The following ZNF438 variants were observed in gnomAD, a reference collection of about 807,000 sequenced individuals.
The protein encoded by ZNF438 is zinc finger protein 438.
ZNF438 carries 25 observed loss-of-function variants against 38.0 expected under a neutral mutation model. That is an observed-to-expected ratio of 0.66 (90% confidence interval 0.48 to 0.92). The LOEUF (loss-of-function observed/expected upper bound fraction) is 0.92, where lower values mean the gene tolerates loss of function less well. Among genes scored for constraint, ZNF438 ranks in the 40% least tolerant of loss-of-function variants. The pLI, the probability that ZNF438 is intolerant of heterozygous loss-of-function variation, is 0.00. For missense variants in ZNF438, 1,007 were observed against 999.6 expected, an observed-to-expected ratio of 1.01 and a Z score of -0.10; for synonymous variants, 372 against 364.1, an observed-to-expected ratio of 1.02 and a Z score of -0.25.
intron 1 of ZNF438, among the ~76,000 whole-genome samples, chr10:30,947,432 G>C (rs1400231660): frequency 3.3e-5 from 5 of 152,258 alleles, no homozygotes; most frequent in African/African-American, 1.2e-4. Context: ...CTTCAAAGCT[G>C]TCAGACAGGG....
chr10:30,889,733 T>C (rs184761732), intron 3 of ZNF438, among the ~76,000 whole-genome samples: 18 of 152,302 alleles, frequency 1.2e-4, no homozygotes, highest in South Asian at 4.1e-4. Flanking sequence ...ATGTCAGTCA[T>C]TGAACTAGAC....
At position 31,022,752 on chromosome 10, in the gene ZNF438, T is replaced by C. The variant is rs74981378; in HGVS notation, c.-192+9081A>G. ...TTCGAAAGCTGAATGCATTGAGCTA[T>C]GAAGTTTGCCTCATCCGCCATATTC... is the stretch of plus-strand genomic sequence containing the variant. On this transcript the variant is annotated intron_variant, in intron 1 of 5. Coordinates refer to ENST00000413025, the Ensembl canonical transcript of ZNF438. Among the ~76,000 whole-genome samples the C allele has an allele frequency of 5.3e-5, 8 of 152,316 alleles. No homozygotes were observed. In the East Asian group the frequency reaches 9.6e-4, roughly 18 times the overall value.
At chr10:30,947,249 T>A (rs1404779338) in intron 1 of ZNF438, among the ~76,000 whole-genome samples, 1 of 152,214 alleles carries the variant, frequency 6.6e-6, no homozygotes, top group Non-Finnish European at 1.5e-5. Flanking sequence ...TGAAAAAGAA[T>A]AACCATCAGC....
intron 3 of ZNF438, among the ~76,000 whole-genome samples, chr10:30,889,398 C>T (rs2040388942): frequency 6.6e-6 from 1 of 152,088 alleles, no homozygotes; most frequent in Non-Finnish European, 1.5e-5. Context: ...AAAAAATACT[C>T]CCCTCCCCTC....
rs10682942 is a variant in ZNF438, at chr10:30,857,258, C to CTTT, written c.38-6894_38-6892dup. ...AATGGCTTGTCATATTCTAAAATTT[C>CTTT]TTTTTTTTTTTTTTTTGAGACACAG... On this transcript the variant is annotated intron_variant, in intron 4 of 5. Transcript: ENST00000413025. Among the ~76,000 whole-genome samples, 555 of 135,902 alleles carry CTTT rather than the reference C, an allele frequency of 4.1e-3. 9 individuals are homozygous for CTTT. The highest frequency in any genetic ancestry group is 0.012 in the South Asian group (53 of 4,340). The allele number at this position is 135,902 out of a possible 152,430, so 89.2% of individuals were successfully genotyped here. A position where few individuals can be genotyped will look rare whatever the true frequency, so the allele number is the denominator to read the frequency against.
intron 2 of ZNF438, among the ~76,000 whole-genome samples, chr10:30,925,452 TACAAAG>T (rs2044804176): frequency 1.3e-5 from 2 of 152,178 alleles, no homozygotes; most frequent in Non-Finnish European, 2.9e-5. Context: ...GAATGTATAA[TACAAAG>T]ACAAAGAAAT....
chr10:30,979,102 C>T (rs934872335), intron 1 of ZNF438, among the ~76,000 whole-genome samples: 1 of 152,162 alleles, frequency 6.6e-6, no homozygotes, highest in Non-Finnish European at 1.5e-5. Flanking sequence ...ATAGTTTAAG[C>T]CCACTGTTGA....
intron 1 of ZNF438, among the ~76,000 whole-genome samples, chr10:30,992,680 A>C (rs1303646248): frequency 6.6e-6 from 1 of 152,214 alleles, no homozygotes; most frequent in African/African-American, 2.4e-5. Flanking sequence ...CCCACAGTGC[A>C]GGGATTACAG....
intron 1 of ZNF438, among the ~76,000 whole-genome samples, chr10:30,953,868 G>C (rs2048549583): frequency 6.6e-5 from 10 of 152,180 alleles, no homozygotes. Flanking sequence ...AATAGGCCGG[G>C]CACAGTGGCT....
intron 3 of ZNF438, among the ~76,000 whole-genome samples, chr10:30,888,127 A>G (rs1291265512): frequency 6.6e-6 from 1 of 152,166 alleles, no homozygotes; most frequent in African/African-American, 2.4e-5. Context: ...AAATGTTTTA[A>G]TATCTCTTGG....
chr10:30,875,678 T>C (rs2038302196), intron 4 of ZNF438, among the ~76,000 whole-genome samples: 1 of 152,218 alleles, frequency 6.6e-6, no homozygotes. Flanking sequence ...TGCCCTAGTG[T>C]TCCCGGCTGG....
chr10:30,914,589 T>C (rs1011135707), intron 2 of ZNF438, among the ~76,000 whole-genome samples: 1 of 152,042 alleles, frequency 6.6e-6, no homozygotes, highest in African/African-American at 2.4e-5. Flanking sequence ...TGTAACTGCA[T>C]GCAAATTTAC....
chr10:30,853,651 C>A (rs1193305947), intron 4 of ZNF438, among the ~76,000 whole-genome samples: 1 of 152,232 alleles, frequency 6.6e-6, no homozygotes, highest in Non-Finnish European at 1.5e-5. Flanking sequence ...AAAACTATAT[C>A]CCATTGTGAA....
intron 1 of ZNF438, among the ~76,000 whole-genome samples, chr10:30,964,546 A>G (rs1234704153): frequency 6.6e-6 from 1 of 152,234 alleles, no homozygotes; most frequent in African/African-American, 2.4e-5. Flanking sequence ...AGCATTCTGC[A>G]AGTATTTGTT....
At chr10:30,906,416 T>C (rs1162277126) in intron 3 of ZNF438, among the ~76,000 whole-genome samples, 1 of 152,238 alleles carries the variant, frequency 6.6e-6, no homozygotes, top group Admixed American at 6.5e-5. Flanking sequence ...GATCTTTATA[T>C]TGATCTTGTA....
chr10:30,969,115 CT>C (rs2050463742), intron 1 of ZNF438, among the ~76,000 whole-genome samples: 1 of 151,762 alleles, frequency 6.6e-6, no homozygotes, highest in African/African-American at 2.4e-5. Flanking sequence ...ATTGGTATAA[CT>C]TCAGGCTAGA....
intron 2 of ZNF438, among the ~76,000 whole-genome samples, chr10:30,915,680 C>T (rs1286416854): frequency 6.6e-6 from 1 of 151,998 alleles, no homozygotes; most frequent in Non-Finnish European, 1.5e-5. Context: ...TAGGATTCAA[C>T]ATAACATTAA....
At chr10:31,015,867 C>T (rs1015353854) in intron 1 of ZNF438, among the ~76,000 whole-genome samples, 5 of 152,186 alleles carry the variant, frequency 3.3e-5, no homozygotes, top group African/African-American at 1.2e-4. Context: ...TGTCTTCACA[C>T]AGGTGAAAAG....
chr10:30,956,964 C>T (rs565229426), intron 1 of ZNF438, among the ~76,000 whole-genome samples: 2 of 152,232 alleles, frequency 1.3e-5, no homozygotes, highest in South Asian at 4.2e-4. Flanking sequence ...TAAAGAACTT[C>T]CATGCTGTTT....
Sources: gnomAD v4.1 joint callset for allele counts (sites outside exome capture counted in the v4.1 genomes callset) on GRCh38, gnomAD v4.1.1 for gene constraint, MANE v1.5 for transcripts, NCBI Gene and HGNC (gene_info 2026-07-23, HGNC 2026-07-21) for gene names.